CPVL: variants seen among roughly 807,000 people sequenced by gnomAD.
CPVL encodes the protein carboxypeptidase vitellogenic like.
CPVL carries 51 observed loss-of-function variants against 63.7 expected under a neutral mutation model. The observed-to-expected ratio is 0.80, with a 90% confidence interval of 0.64 to 1.01. The LOEUF is 1.01. Ranked by LOEUF, CPVL falls within the 50% of genes least tolerant of loss-of-function variation. CPVL has a pLI of 0.00. For missense variants in CPVL, 530 were observed against 573.1 expected (o/e 0.92, Z 0.77); for synonymous variants, 195 against 206.0 (o/e 0.95, Z 0.46).
chr7:29,093,727 G>C (rs915250971), intron 5 of CPVL, among the ~76,000 whole-genome samples: 1 of 152,084 alleles, frequency 6.6e-6, no homozygotes, highest in Non-Finnish European at 1.5e-5. Context: ...TTGTGTTTTT[G>C]TTTTCCAAAC....
At chr7:29,006,021 T>G (rs143272062) in intron 12 of CPVL, among the ~76,000 whole-genome samples, 1 of 152,174 alleles carries the variant, frequency 6.6e-6, no homozygotes, top group Non-Finnish European at 1.5e-5. Context: ...TCATCTTCTG[T>G]GTACCATGGA....
chr7:29,097,202 G>A (rs903055800), intron 3 of CPVL, among the ~76,000 whole-genome samples: 2 of 151,768 alleles, frequency 1.3e-5, no homozygotes, highest in African/African-American at 4.9e-5. Context: ...TTGAAAATGA[G>A]CTACTGGCCG....
At chr7:29,001,250 A>G (rs1784603810) in intron 12 of CPVL, 1 of 152,224 alleles carries the variant, frequency 6.6e-6, no homozygotes, top group South Asian at 2.1e-4. Flanking sequence ...ACTCACCAGG[A>G]AAGAGAAAAG....
At chr7:29,169,736 C>T (rs245908) in intron 5 of CPVL, among the ~76,000 whole-genome samples, 49,005 of 151,938 alleles carry the variant, frequency 0.32, 8,181 homozygotes, top group East Asian at 0.56. Context: ...TTCTTCCTCC[C>T]TTCTGACCAC....
intron 5 of CPVL, among the ~76,000 whole-genome samples, chr7:29,175,955 G>A (rs1441973401): frequency 6.6e-6 from 1 of 152,144 alleles, no homozygotes; most frequent in African/African-American, 2.4e-5. Flanking sequence ...GGGAGGCCGA[G>A]GCGGGAAGAT....
At chr7:29,056,827 G>A (rs887926553) in intron 11 of CPVL, among the ~76,000 whole-genome samples, 10 of 151,980 alleles carry the variant, frequency 6.6e-5, no homozygotes, top group Admixed American at 2.0e-4. Flanking sequence ...CCACATCCTT[G>A]TAAGCATTTA....
chr7:29,025,108 C>T (rs940937968), intron 12 of CPVL, among the ~76,000 whole-genome samples: 6 of 152,158 alleles, frequency 3.9e-5, no homozygotes, highest in Non-Finnish European at 8.8e-5. Flanking sequence ...AAATTCCCCA[C>T]ATAAAAGACA....
In CPVL at chr7:29,092,705, G is replaced by A; in HGVS notation, c.463-3C>T. On this transcript the variant is annotated splice_region_variant and splice_polypyrimidine_tract_variant and intron_variant, in intron 5 of 12. Coordinates refer to ENST00000265394, the MANE Select transcript of CPVL (RefSeq NM_031311.5). ...GTAAAACTGAAGCCTGTGCCCACCT[G>A]CAGGAGAAATAAACACGCAGGTATA... 1 of 1,608,456 alleles carries A rather than the reference G, an allele frequency of 6.2e-7. No homozygotes were observed. Among genetic ancestry groups the A allele is most frequent in the Non-Finnish European group, 8.5e-7 (1 of 1,174,914 alleles).
intron 4 of CPVL, among the ~76,000 whole-genome samples, chr7:29,184,171 AG>A (rs1798418954): frequency 6.6e-6 from 1 of 151,160 alleles, no homozygotes; most frequent in African/African-American, 2.4e-5. Flanking sequence ...ATAGATAGAT[AG>A]ATAGATAGAT....
intron 5 of CPVL, among the ~76,000 whole-genome samples, chr7:29,177,127 C>T (rs984352778): frequency 6.6e-6 from 1 of 152,166 alleles, no homozygotes. Context: ...CACAGAGACA[C>T]TAAAAAATTT....
chr7:29,150,940 CTG>C (rs1456970757), upstream of CPVL, among the ~76,000 whole-genome samples: 1 of 152,126 alleles, frequency 6.6e-6, no homozygotes, highest in Non-Finnish European at 1.5e-5. Context: ...CAAAACAACA[CTG>C]TGCTATTAAA....
intron 1 of CPVL, among the ~76,000 whole-genome samples, chr7:29,188,910 T>C (rs1408697676): frequency 3.3e-5 from 5 of 151,716 alleles, no homozygotes; most frequent in African/African-American, 9.7e-5. Context: ...GGTTGTTTTG[T>C]AGGATCCCCC....
chr7:29,090,966 G>A (rs770614423), intron 6 of CPVL, among the ~76,000 whole-genome samples: 12 of 152,178 alleles, frequency 7.9e-5, no homozygotes, highest in Non-Finnish European at 1.6e-4. Context: ...GTTTTGAAGC[G>A]ACCCTCTTAT....
At chr7:29,071,651 G>C in intron 9 of CPVL, 122 bp downstream of exon 9, 1 of 1,066,958 alleles carries the variant, frequency 9.4e-7, no homozygotes, top group Non-Finnish European at 1.4e-6. Flanking sequence ...ATCTCCAATG[G>C]AATAACAGAT....
chr7:29,033,330 C>G (rs1037158384), intron 11 of CPVL, among the ~76,000 whole-genome samples: 2 of 152,124 alleles, frequency 1.3e-5, no homozygotes, highest in African/African-American at 2.4e-5. Context: ...GACCCAGTGG[C>G]TGAGCATGAG....
intron 10 of CPVL, among the ~76,000 whole-genome samples, chr7:29,064,940 G>GAA (rs1562749816): frequency 0.14 from 771 of 5,396 alleles, 2 homozygotes; most frequent in Admixed American, 0.22. Context: ...AAAAAAAACC[G>GAA]CACACACACA....
intron 1 of CPVL, 125 bp from the exon 2 acceptor site, chr7:29,121,196 C>G: frequency 1.2e-6 from 1 of 814,062 alleles, no homozygotes; most frequent in African/African-American, 1.8e-5. Context: ...TCTGCAAGGA[C>G]CTTGGATAGC....
chr7:29,078,597 C>A (rs1231257947), intron 7 of CPVL, among the ~76,000 whole-genome samples: 8 of 152,232 alleles, frequency 5.3e-5, no homozygotes, highest in Admixed American at 4.6e-4. Context: ...TGTAACTTAG[C>A]ATTTCTCATT....
chr7:29,158,696 T>A (rs992993290), intron 5 of CPVL, among the ~76,000 whole-genome samples: 2 of 152,254 alleles, frequency 1.3e-5, no homozygotes, highest in African/African-American at 4.8e-5. Flanking sequence ...GCCGTAGAGT[T>A]AACAGTTTAA....
Sources: gnomAD v4.1 joint callset for allele counts (sites outside exome capture counted in the v4.1 genomes callset) on GRCh38, gnomAD v4.1.1 for gene constraint, MANE v1.5 for transcripts, NCBI Gene and HGNC (gene_info 2026-07-23, HGNC 2026-07-21) for gene names.